Variants in SOX5 observed in about 807,000 individuals in gnomAD.
The protein encoded by SOX5 is SRY-box transcription factor 5.
In SOX5, 9 loss-of-function variants were observed where a neutral mutation model predicts 92.0. The observed-to-expected ratio is 0.10, with a 90% CI of 0.06 to 0.17. SOX5 has a LOEUF of 0.17. SOX5 is among the 10% of genes least tolerant of loss of function. The pLI is 1.00. For synonymous variants in SOX5, 344 were observed against 336.3 expected, an observed-to-expected ratio of 1.02 and a Z score of -0.25; for missense variants, 642 against 944.5, an observed-to-expected ratio of 0.68 and a Z score of 4.20.
At chr12:23,747,349 C>T (rs1453760447) in intron 4 of SOX5, among the ~76,000 whole-genome samples, 2 of 152,060 alleles carry the variant, frequency 1.3e-5, no homozygotes, top group African/African-American at 4.8e-5. Context: ...ATCCATTCTC[C>T]AAACAAACGT....
chr12:23,996,238 G>C (rs887398522), intron 4 of SOX5, among the ~76,000 whole-genome samples: 1 of 152,146 alleles, frequency 6.6e-6, no homozygotes, highest in African/African-American at 2.4e-5. Context: ...AGAAAGAAAA[G>C]ATGTTCAATG....
intron 6 of SOX5, among the ~76,000 whole-genome samples, chr12:23,699,934 C>A (rs1242857227): frequency 6.6e-6 from 1 of 152,042 alleles, no homozygotes; most frequent in Non-Finnish European, 1.5e-5. Context: ...ATTTTTCTTC[C>A]CACACTACTG....
intron 1 of SOX5, among the ~76,000 whole-genome samples, chr12:24,430,891 C>T (rs892784583): frequency 6.6e-6 from 1 of 152,142 alleles, no homozygotes; most frequent in Non-Finnish European, 1.5e-5. Flanking sequence ...ATCTACTCAT[C>T]TTTAAAATTG....
chr12:24,011,666 G>A (rs1422086960), intron 4 of SOX5, among the ~76,000 whole-genome samples: 1 of 152,070 alleles, frequency 6.6e-6, no homozygotes, highest in Non-Finnish European at 1.5e-5. Flanking sequence ...TGAGTTGACT[G>A]GAGTTAAAAT....
intron 1 of SOX5, among the ~76,000 whole-genome samples, chr12:23,897,578 T>C (rs2097190167): frequency 6.6e-6 from 1 of 152,120 alleles, no homozygotes; most frequent in Non-Finnish European, 1.5e-5. Context: ...TAATAGCCCG[T>C]GTTTATTTAA....
chr12:23,669,999 C>T (rs1160831331), intron 6 of SOX5, among the ~76,000 whole-genome samples: 1 of 152,134 alleles, frequency 6.6e-6, no homozygotes, highest in Admixed American at 6.6e-5. Context: ...AGGGGAACAG[C>T]TTAACACCAT....
intron 1 of SOX5, among the ~76,000 whole-genome samples, chr12:23,913,897 A>T (rs1168142630): frequency 6.6e-5 from 10 of 152,186 alleles, no homozygotes; most frequent in Admixed American, 2.0e-4. Context: ...TTATATGCTT[A>T]GAAAAGATAA....
intron 11 of SOX5, among the ~76,000 whole-genome samples, chr12:23,557,636 G>C (rs1275020640): frequency 6.6e-6 from 1 of 152,142 alleles, no homozygotes; most frequent in Non-Finnish European, 1.5e-5. Context: ...TTGTGCACAT[G>C]CTTCTGTGTC....
intron 2 of SOX5, among the ~76,000 whole-genome samples, chr12:24,286,577 A>G (rs1296717098): frequency 6.6e-6 from 1 of 152,116 alleles, no homozygotes; most frequent in Non-Finnish European, 1.5e-5. Flanking sequence ...TCACTCTGTC[A>G]TCCAGGCTGG....
chr12:23,729,128 T>C (rs1272043016), intron 6 of SOX5, among the ~76,000 whole-genome samples: 3 of 152,106 alleles, frequency 2.0e-5, no homozygotes, highest in Non-Finnish European at 4.4e-5. Context: ...TTCTCTCTAA[T>C]GACTTTGGCA....
At chr12:24,374,155 G>A (rs959872011) in intron 1 of SOX5, among the ~76,000 whole-genome samples, 9 of 152,140 alleles carry the variant, frequency 5.9e-5, no homozygotes, top group African/African-American at 2.2e-4. Context: ...CGGGGTTCAG[G>A]CTTCCTCCAT....
intron 4 of SOX5, among the ~76,000 whole-genome samples, chr12:24,012,214 A>G (rs1304380742): frequency 6.6e-6 from 1 of 152,180 alleles, no homozygotes; most frequent in African/African-American, 2.4e-5. Context: ...TTTTTACTTT[A>G]AGCAACTTCT....
intron 1 of SOX5, among the ~76,000 whole-genome samples, chr12:23,922,070 C>A (rs576430545): frequency 3.3e-5 from 5 of 152,294 alleles, no homozygotes; most frequent in South Asian, 2.1e-4. Flanking sequence ...GACAACTCCC[C>A]CCCTGGGCTC....
intron 4 of SOX5, 68 bp downstream of exon 4, chr12:23,755,570 C>T (rs2094340546): frequency 2.7e-6 from 3 of 1,112,144 alleles, no homozygotes; most frequent in Non-Finnish European, 4.0e-6. Context: ...TACTTTATCA[C>T]CATTACTATT....
At chr12:23,691,691 T>C (rs1420873705) in intron 6 of SOX5, among the ~76,000 whole-genome samples, 2 of 152,174 alleles carry the variant, frequency 1.3e-5, no homozygotes, top group Non-Finnish European at 2.9e-5. Flanking sequence ...ATTTTAAATG[T>C]TTGCTATAGC....
chr12:23,903,425 A>AATT (rs1365837375), intron 1 of SOX5, among the ~76,000 whole-genome samples: 3 of 152,130 alleles, frequency 2.0e-5, no homozygotes, highest in African/African-American at 4.8e-5. Flanking sequence ...TCTATAAAAA[A>AATT]ATTTCAAAAT....
chr12:23,783,110 T>C (rs574364693), intron 3 of SOX5, among the ~76,000 whole-genome samples: 1 of 152,300 alleles, frequency 6.6e-6, no homozygotes, highest in East Asian at 1.9e-4. Flanking sequence ...ATTCACTTTC[T>C]TCAAGGCATA....
intron 1 of SOX5, among the ~76,000 whole-genome samples, chr12:24,420,167 C>T (rs933376653): frequency 6.6e-5 from 10 of 152,274 alleles, no homozygotes; most frequent in South Asian, 2.1e-4. Context: ...AAAATTAATA[C>T]GTATTAGAGC....
intron 4 of SOX5, among the ~76,000 whole-genome samples, chr12:24,053,187 CT>C (rs771748600): frequency 2.1e-5 from 3 of 143,252 alleles, no homozygotes; most frequent in African/African-American, 7.7e-5. Context: ...CGCCCCCCCC[CT>C]TTTTTTTTTT....
Sources: gnomAD v4.1 joint callset for allele counts (sites outside exome capture counted in the v4.1 genomes callset) on GRCh38, gnomAD v4.1.1 for gene constraint, MANE v1.5 for transcripts, NCBI Gene and HGNC (gene_info 2026-07-23, HGNC 2026-07-21) for gene names.